Variants in RASA2 observed in about 807,000 individuals in gnomAD.
RASA2 encodes the protein RAS p21 protein activator 2, also known as ras GTPase-activating protein 2.
A neutral mutation model predicts 118.2 loss-of-function variants in RASA2; 155 were observed. The ratio of observed to expected loss-of-function variants is 1.31; its 90% CI spans 1.15 to 1.50. The LOEUF (loss-of-function observed/expected upper bound fraction) is 1.50, where lower values mean the gene tolerates loss of function less well. Among genes scored for constraint, RASA2 ranks in the 40% most tolerant of loss-of-function variants. RASA2 has a pLI of 0.00. For missense variants in RASA2, 1,016 were observed against 1,009.6 expected, an observed-to-expected ratio of 1.01 and a Z score of -0.09; for synonymous variants, 353 against 349.1, an observed-to-expected ratio of 1.01 and a Z score of -0.12.
chr3:141,517,880 C>T (rs1326781382), intron 3 of RASA2, among the ~76,000 whole-genome samples: 1 of 152,098 alleles, frequency 6.6e-6, no homozygotes. Flanking sequence ...TGGTCTCGAT[C>T]TCCTGACCTC....
intron 19 of RASA2, among the ~76,000 whole-genome samples, chr3:141,597,205 A>G (rs898548146): frequency 5.9e-5 from 9 of 152,190 alleles, no homozygotes; most frequent in Non-Finnish European, 7.4e-5. Context: ...GTTTGAGACC[A>G]GCCTGGGCAA....
intron 1 of RASA2, among the ~76,000 whole-genome samples, chr3:141,508,815 A>G (rs998088110): frequency 7.0e-6 from 1 of 143,686 alleles, no homozygotes; most frequent in African/African-American, 2.5e-5. Flanking sequence ...TTGGCAATGG[A>G]TTTTTTTTTT....
intron 15 of RASA2, among the ~76,000 whole-genome samples, chr3:141,579,275 A>T (rs1485380945): frequency 6.6e-6 from 1 of 152,192 alleles, no homozygotes; most frequent in Non-Finnish European, 1.5e-5. Flanking sequence ...AACTTACACA[A>T]ATGTATGGAT....
chr3:141,575,322 T>C (rs1040451408), intron 14 of RASA2, among the ~76,000 whole-genome samples: 29 of 152,252 alleles, frequency 1.9e-4, no homozygotes, highest in Admixed American at 4.6e-4. Flanking sequence ...GTAGATAAAT[T>C]TAGATCTAAA....
At chr3:141,602,836 C>T (rs1314132035) in intron 19 of RASA2, among the ~76,000 whole-genome samples, 1 of 152,174 alleles carries the variant, frequency 6.6e-6, no homozygotes, top group Non-Finnish European at 1.5e-5. Context: ...ATTGACGTCT[C>T]CCCAGGCTTT....
At chr3:141,538,099 AAACACACAC>A (rs2082354062) in intron 4 of RASA2, among the ~76,000 whole-genome samples, 1 of 130,018 alleles carries the variant, frequency 7.7e-6, no homozygotes, top group Non-Finnish European at 1.6e-5. Context: ...TCAAAAAACA[AAACACACAC>A]ACACACACAC....
intron 1 of RASA2, among the ~76,000 whole-genome samples, chr3:141,501,449 G>T (rs1440979719): frequency 6.6e-6 from 1 of 152,130 alleles, no homozygotes; most frequent in Non-Finnish European, 1.5e-5. Flanking sequence ...CTCTGTCTTA[G>T]GCATTGTGCC....
intron 5 of RASA2, among the ~76,000 whole-genome samples, chr3:141,545,951 C>T (rs777993651): frequency 6.6e-5 from 10 of 152,264 alleles, no homozygotes; most frequent in East Asian, 1.9e-4. Context: ...TGAGACCATA[C>T]GAGGTTTGTC....
intron 17 of RASA2, among the ~76,000 whole-genome samples, chr3:141,582,677 C>T (rs1011894722): frequency 4.6e-5 from 7 of 152,114 alleles, no homozygotes; most frequent in Non-Finnish European, 8.8e-5. Context: ...GTTCTAGATC[C>T]CTAAGCTGAC....
intron 9 of RASA2, among the ~76,000 whole-genome samples, chr3:141,567,157 T>C (rs1039702544): frequency 3.3e-5 from 5 of 152,194 alleles, no homozygotes; most frequent in Non-Finnish European, 7.3e-5. Context: ...GGCTTACACC[T>C]GTAATCCCAG....
chr3:141,519,536 A>G (rs1440775139), intron 3 of RASA2, among the ~76,000 whole-genome samples: 5 of 152,172 alleles, frequency 3.3e-5, no homozygotes, highest in Non-Finnish European at 7.3e-5. Context: ...TGTCTCACAA[A>G]AGGCATTTTC....
chr3:141,537,623 G>T (rs928838391), intron 4 of RASA2, among the ~76,000 whole-genome samples: 4 of 152,072 alleles, frequency 2.6e-5, no homozygotes, highest in Non-Finnish European at 5.9e-5. Context: ...ACAAAAATTA[G>T]CCGGGCGTGG....
intron 20 of RASA2, among the ~76,000 whole-genome samples, chr3:141,608,072 C>T (rs1459789983): frequency 6.6e-6 from 1 of 151,758 alleles, no homozygotes; most frequent in Admixed American, 6.6e-5. Flanking sequence ...ATTCAAGTTT[C>T]TAAGTAATAC....
In RASA2 at chr3:141,487,313, G is replaced by C. The variant is rs995683510; in HGVS notation, c.133+97G>C. 19 of 1,184,286 alleles carry C rather than the reference G, an allele frequency of 1.6e-5. No homozygotes were observed. The African/African-American group carries it at 3.1e-4, about 19-fold the overall frequency. The allele number at this position is 1,184,286 out of a possible 1,614,324, so 73.4% of individuals were successfully genotyped here. Reference sequence around the variant, plus strand: ...GGCGGTGGCGGCGCCGAGCTGCGCTGGGATCGCGGGCCCGGGAGGGGGCCT... The same window carrying C: ...GGCGGTGGCGGCGCCGAGCTGCGCTCGGATCGCGGGCCCGGGAGGGGGCCT... On this transcript the variant is annotated intron_variant, in intron 1 of 23. Transcript: ENST00000286364.
chr3:141,499,446 A>G (rs1435714100), intron 1 of RASA2, among the ~76,000 whole-genome samples: 1 of 152,228 alleles, frequency 6.6e-6, no homozygotes, highest in Non-Finnish European at 1.5e-5. Flanking sequence ...ACGAAAAAAC[A>G]GTTCTTTGCT....
At chr3:141,507,138 A>T (rs2081881396) in intron 1 of RASA2, among the ~76,000 whole-genome samples, 1 of 152,186 alleles carries the variant, frequency 6.6e-6, no homozygotes, top group African/African-American at 2.4e-5. Context: ...TCACTATCTG[A>T]TGGAACAATG....
chr3:141,585,970 T>C, intron 17 of RASA2, 55 bp from the exon 18 acceptor site: 1 of 1,423,042 alleles, frequency 7.0e-7, no homozygotes. Context: ...ATAAACTGAA[T>C]TTTTTATAAT....
At chr3:141,580,141 T>C (rs2083088144) in intron 15 of RASA2, among the ~76,000 whole-genome samples, 1 of 142,466 alleles carries the variant, frequency 7.0e-6, no homozygotes, top group Non-Finnish European at 1.5e-5. Context: ...ACCACATCTT[T>C]AATAATTACT....
intron 17 of RASA2, 84 bp downstream of exon 17, chr3:141,581,261 A>G: frequency 9.8e-7 from 1 of 1,020,442 alleles, no homozygotes; most frequent in Non-Finnish European, 1.3e-6. Context: ...ATTATTATCA[A>G]TCCCCAGTTT....
Sources: gnomAD v4.1 joint callset for allele counts (sites outside exome capture counted in the v4.1 genomes callset) on GRCh38, gnomAD v4.1.1 for gene constraint, MANE v1.5 for transcripts, NCBI Gene and HGNC (gene_info 2026-07-23, HGNC 2026-07-21) for gene names.